GALNT13: variants seen among roughly 807,000 people sequenced by gnomAD.
GALNT13 encodes polypeptide N-acetylgalactosaminyltransferase 13.
GALNT13 carries 28 observed loss-of-function variants against 64.2 expected under a neutral mutation model. That is an observed-to-expected ratio of 0.44 (90% confidence interval 0.32 to 0.60). GALNT13 has a LOEUF of 0.60. Among genes scored for constraint, GALNT13 ranks in the 20% least tolerant of loss-of-function variants. The pLI, the probability that GALNT13 is intolerant of heterozygous loss-of-function variation, is 0.05. For missense variants in GALNT13, 577 were observed against 669.8 expected (o/e 0.86, Z 1.53); for synonymous variants, 214 against 224.6 (o/e 0.95, Z 0.42).
chr2:153,721,710 A>G, the GALNT13 span, among the ~76,000 whole-genome samples: 22 of 152,058 alleles, frequency 1.4e-4, no homozygotes, highest in African/African-American at 5.1e-4. Flanking sequence ...AAAAGAGACA[A>G]GGCCATTACA....
the GALNT13 span, among the ~76,000 whole-genome samples, chr2:153,112,314 C>G: frequency 1.5e-4 from 23 of 152,102 alleles, no homozygotes; most frequent in African/African-American, 2.4e-4. Context: ...AGGCTCTACC[C>G]TTCATTAGCT....
At chr2:154,166,226 G>C (rs1444244397) in intron 4 of GALNT13, among the ~76,000 whole-genome samples, 2 of 152,126 alleles carry the variant, frequency 1.3e-5, no homozygotes, top group Non-Finnish European at 2.9e-5. Flanking sequence ...CCAACATGGT[G>C]AAACCCCATC....
the GALNT13 span, among the ~76,000 whole-genome samples, chr2:153,738,052 G>A: frequency 9.9e-5 from 15 of 151,490 alleles, no homozygotes; most frequent in Admixed American, 7.9e-4. Flanking sequence ...TTTGCTCTTG[G>A]TTTTCATTTT....
the GALNT13 span, among the ~76,000 whole-genome samples, chr2:153,085,677 G>A: frequency 6.6e-6 from 1 of 152,318 alleles, no homozygotes; most frequent in South Asian, 2.1e-4. Context: ...GGATATCCAG[G>A]CATAGATTTG....
chr2:154,285,325 T>G (rs1326065171), intron 8 of GALNT13, among the ~76,000 whole-genome samples: 1 of 152,178 alleles, frequency 6.6e-6, no homozygotes, highest in Non-Finnish European at 1.5e-5. Context: ...TCCCCATGTT[T>G]TATTTGAGTA....
At chr2:154,272,175 T>A (rs1215412059) in intron 8 of GALNT13, among the ~76,000 whole-genome samples, 2 of 151,970 alleles carry the variant, frequency 1.3e-5, no homozygotes, top group African/African-American at 4.8e-5. Flanking sequence ...ATTGAGAAAG[T>A]TTTTCTGTCT....
chr2:153,169,335 G>A, the GALNT13 span, among the ~76,000 whole-genome samples: 2 of 152,162 alleles, frequency 1.3e-5, no homozygotes, highest in Non-Finnish European at 2.9e-5. Context: ...TTTGATTCAG[G>A]TGGACAGGAT....
At chr2:153,257,234 C>G in the GALNT13 span, among the ~76,000 whole-genome samples, 1 of 152,162 alleles carries the variant, frequency 6.6e-6, no homozygotes, top group Non-Finnish European at 1.5e-5. Flanking sequence ...GTCTGTCACC[C>G]CTTTGTTTGA....
At chr2:153,476,705 A>C in the GALNT13 span, among the ~76,000 whole-genome samples, 1 of 152,218 alleles carries the variant, frequency 6.6e-6, no homozygotes, top group Non-Finnish European at 1.5e-5. Flanking sequence ...TACAAAGAAC[A>C]GGCTGAATCT....
chr2:153,647,997 G>A, the GALNT13 span, among the ~76,000 whole-genome samples: 1 of 152,102 alleles, frequency 6.6e-6, no homozygotes, highest in African/African-American at 2.4e-5. Context: ...TTCCAATTCT[G>A]TGAAGAAAGT....
the GALNT13 span, among the ~76,000 whole-genome samples, chr2:153,841,237 A>G: frequency 6.6e-6 from 1 of 152,174 alleles, no homozygotes; most frequent in Non-Finnish European, 1.5e-5. Context: ...TTATTCCTCT[A>G]TAGAAATTCA....
the GALNT13 span, among the ~76,000 whole-genome samples, chr2:153,535,102 A>G: frequency 6.6e-6 from 1 of 152,070 alleles, no homozygotes; most frequent in Non-Finnish European, 1.5e-5. Flanking sequence ...GTGGGAACCT[A>G]GAGTGGGAGA....
the GALNT13 span, among the ~76,000 whole-genome samples, chr2:153,616,492 C>A: frequency 5.3e-5 from 8 of 151,786 alleles, no homozygotes; most frequent in African/African-American, 1.9e-4. Flanking sequence ...ATAGGGATTT[C>A]ATTGAATCTA....
the GALNT13 span, among the ~76,000 whole-genome samples, chr2:153,401,800 T>C: frequency 3.3e-5 from 5 of 151,884 alleles, no homozygotes; most frequent in African/African-American, 1.2e-4. Context: ...TCCATCCTTT[T>C]ATTTTGAGCC....
At chr2:153,124,440 G>T in the GALNT13 span, among the ~76,000 whole-genome samples, 1 of 152,158 alleles carries the variant, frequency 6.6e-6, no homozygotes, top group Admixed American at 6.5e-5. Flanking sequence ...TCCAAGTTTG[G>T]AAATTTACAG....
the GALNT13 span, among the ~76,000 whole-genome samples, chr2:153,696,845 C>T: frequency 6.6e-6 from 1 of 152,116 alleles, no homozygotes; most frequent in Non-Finnish European, 1.5e-5. Flanking sequence ...CTATCCCTTT[C>T]TTGCCTTCTC....
At position 154,301,469 on chromosome 2, in the gene GALNT13, C is replaced by T. The variant is rs865891391; in HGVS notation, c.1036C>T (p.Arg346Trp). ...VTCSHVGHVF[R>W]KATPYTFPGG... ...TTGCTCCCATGTTGGTCATGTTTTT[C>T]GGAAGGCAACTCCATACACTTTTCC... is the stretch of plus-strand genomic sequence containing the variant. The change falls in exon 9 of 13, where the codon CGG (arginine) becomes TGG (tryptophan). Residue 346 changes from arginine (R) to tryptophan (W), a missense_variant. Transcript: ENST00000392825. 6.2e-6 allele frequency: 10 copies of T among 1,613,420 alleles called. No individual in the cohort carries two copies. Among genetic ancestry groups the T allele is most frequent in the African/African-American group, 4.0e-5 (3 of 74,896 alleles).
At chr2:153,663,721 A>G in the GALNT13 span, among the ~76,000 whole-genome samples, 1 of 152,204 alleles carries the variant, frequency 6.6e-6, no homozygotes, top group Non-Finnish European at 1.5e-5. Context: ...TATTGTCTAC[A>G]TAGTGCCTTG....
the GALNT13 span, among the ~76,000 whole-genome samples, chr2:153,729,552 G>C: frequency 6.6e-6 from 1 of 151,768 alleles, no homozygotes; most frequent in Admixed American, 6.6e-5. Context: ...AATCCCTCTG[G>C]AGTCAATTTT....
Sources: allele counts gnomAD v4.1 joint callset (sites outside exome capture counted in the v4.1 genomes callset), GRCh38; gene constraint gnomAD v4.1.1; transcripts MANE v1.5; gene names NCBI Gene and HGNC (gene_info 2026-07-23, HGNC 2026-07-21).